The following GRID2 variants were observed in gnomAD, a reference collection of about 807,000 sequenced individuals.
GRID2 encodes glutamate ionotropic receptor delta type subunit 2.
Under a neutral mutation model 114.8 loss-of-function variants are expected in GRID2, and 33 were observed. The observed-to-expected ratio is 0.29, with a 90% confidence interval of 0.22 to 0.38. The LOEUF is 0.38. GRID2 is among the 10% of genes least tolerant of loss of function. GRID2 has a pLI of 1.00. For missense variants in GRID2, 1,184 were observed against 1,257.7 expected (o/e 0.94, Z 0.89); for synonymous variants, 505 against 449.9 (o/e 1.12, Z -1.55).
At chr4:93,327,922 C>T (rs564455461) in intron 8 of GRID2, among the ~76,000 whole-genome samples, 1 of 152,160 alleles carries the variant, frequency 6.6e-6, no homozygotes, top group South Asian at 2.1e-4. Context: ...TAGTCTCAAC[C>T]ACCATCATCT....
intron 1 of GRID2, among the ~76,000 whole-genome samples, chr4:92,305,447 C>T (rs2110100225): frequency 1.3e-5 from 2 of 152,248 alleles, no homozygotes; most frequent in Middle Eastern, 3.4e-3. Flanking sequence ...GAAACTGACC[C>T]CGGGGCGCTT....
At chr4:93,617,195 T>G (rs953061253) in intron 13 of GRID2, among the ~76,000 whole-genome samples, 7 of 152,160 alleles carry the variant, frequency 4.6e-5, no homozygotes, top group Non-Finnish European at 1.0e-4. Context: ...TTTTGTCCTT[T>G]TGTTTTCCCA....
chr4:93,494,896 C>G (rs1462635407), intron 12 of GRID2, among the ~76,000 whole-genome samples: 1 of 151,734 alleles, frequency 6.6e-6, no homozygotes, highest in Non-Finnish European at 1.5e-5. Flanking sequence ...AGAGTAAGCA[C>G]TGGATAATAG....
intron 1 of GRID2, among the ~76,000 whole-genome samples, chr4:92,497,561 A>G (rs1360541996): frequency 1.3e-5 from 2 of 151,936 alleles, no homozygotes; most frequent in African/African-American, 4.8e-5. Context: ...TTACAGCATT[A>G]CTTAGAAAGG....
At chr4:92,704,460 T>A (rs1034898845) in intron 2 of GRID2, among the ~76,000 whole-genome samples, 2 of 152,128 alleles carry the variant, frequency 1.3e-5, no homozygotes, top group African/African-American at 4.8e-5. Flanking sequence ...TTTCTGTACA[T>A]GTTGCATGAA....
chr4:93,601,501 T>C lies in GRID2; in HGVS notation c.2194-24768T>C, dbSNP rs62320423. Among the ~76,000 whole-genome samples the C allele has an allele frequency of 5.2e-4, 79 of 152,338 alleles. 1 individual carries two copies. The highest frequency in any genetic ancestry group is 9.0e-4 in the Non-Finnish European group (61 of 68,032). ...AATGAGGGGCATTTTAACTAAGGAA[T>C]CCTGATAACACCAACAGCTGAGTTA... On this transcript the variant is annotated intron_variant, in intron 13 of 15. Coordinates refer to ENST00000282020, the MANE Select transcript of GRID2 (RefSeq NM_001510.4).
chr4:92,662,081 T>A (rs570192096), intron 2 of GRID2, among the ~76,000 whole-genome samples: 1 of 151,154 alleles, frequency 6.6e-6, no homozygotes, highest in South Asian at 2.1e-4. Flanking sequence ...GCCACGTAAA[T>A]CTCAATGAAG....
chr4:93,544,775 C>G (rs1352613462), intron 13 of GRID2, among the ~76,000 whole-genome samples: 1 of 126,614 alleles, frequency 7.9e-6, no homozygotes, highest in African/African-American at 3.2e-5. Flanking sequence ...AAAACTCCCT[C>G]TGGAAAAAAA....
intron 3 of GRID2, among the ~76,000 whole-genome samples, chr4:93,098,386 A>G (rs943805910): frequency 2.6e-5 from 4 of 152,012 alleles, no homozygotes; most frequent in African/African-American, 9.7e-5. Flanking sequence ...CAGTCGTTCC[A>G]GGCAGACTCA....
intron 14 of GRID2, among the ~76,000 whole-genome samples, chr4:93,754,070 A>G (rs114053346): frequency 0.052 from 7,942 of 152,306 alleles, 263 homozygotes; most frequent in Middle Eastern, 0.078. Flanking sequence ...ACAAACCTGC[A>G]CTGAAGACTG....
At chr4:93,177,497 G>T (rs1016352896) in intron 4 of GRID2, among the ~76,000 whole-genome samples, 1 of 151,984 alleles carries the variant, frequency 6.6e-6, no homozygotes, top group African/African-American at 2.4e-5. Flanking sequence ...AAGAAATCAA[G>T]ATTTAAACCC....
intron 14 of GRID2, among the ~76,000 whole-genome samples, chr4:93,743,902 G>T (rs2110262211): frequency 6.6e-6 from 1 of 152,268 alleles, no homozygotes; most frequent in Non-Finnish European, 1.5e-5. Context: ...TGACTTCAGA[G>T]CTTCAAAGGA....
chr4:93,153,612 G>A (rs894689239), intron 4 of GRID2, among the ~76,000 whole-genome samples: 3 of 152,056 alleles, frequency 2.0e-5, no homozygotes, highest in African/African-American at 4.8e-5. Flanking sequence ...CCGGGACATA[G>A]CATGAGTTTT....
At position 93,336,509 on chromosome 4, in the gene GRID2, A is replaced by G. The variant is rs187285422; in HGVS notation, c.1246-59098A>G. Among the ~76,000 whole-genome samples the G allele has an allele frequency of 1.5e-3, 233 of 152,302 alleles. 1 individual carries two copies. The highest frequency in any genetic ancestry group is 4.3e-3 in the Admixed American group (66 of 15,296). The stretch of plus-strand genomic sequence containing the variant: ...AACAAGCAATGCTTCATCAAACATC[A>G]TGGTATATATGCTCTCAGGTATATG... On this transcript the variant is annotated intron_variant, in intron 8 of 15. Coordinates refer to ENST00000282020, the MANE Select transcript of GRID2 (RefSeq NM_001510.4).
chr4:92,932,166 C>T (rs1428233603), intron 2 of GRID2, among the ~76,000 whole-genome samples: 1 of 151,174 alleles, frequency 6.6e-6, no homozygotes, highest in Non-Finnish European at 1.5e-5. Flanking sequence ...TATTTAATAA[C>T]TGTCAAAGAA....
At chr4:92,531,701 G>C (rs1725365860) in intron 1 of GRID2, among the ~76,000 whole-genome samples, 1 of 151,888 alleles carries the variant, frequency 6.6e-6, no homozygotes, top group African/African-American at 2.4e-5. Context: ...ATTTATGAGA[G>C]GACTAGAAAA....
intron 2 of GRID2, among the ~76,000 whole-genome samples, chr4:92,693,512 C>A (rs1159225089): frequency 6.6e-6 from 1 of 152,182 alleles, no homozygotes; most frequent in Non-Finnish European, 1.5e-5. Flanking sequence ...CTTGTTACTG[C>A]TTTGCAGTTT....
In GRID2 at chr4:93,317,986, AATATATATATATATAT is replaced by A. The variant is rs58755199; in HGVS notation, c.1246-77600_1246-77585del. 6.6e-3 allele frequency among the ~76,000 whole-genome samples: 664 copies of A among 100,916 alleles called. 28 individuals are homozygous for A. Among genetic ancestry groups the A allele is most frequent in the Non-Finnish European group, 8.4e-3 (400 of 47,680 alleles). 66.2% of individuals were successfully genotyped at this position (100,916 alleles called of 152,430 possible). A position where few individuals can be genotyped will look rare whatever the true frequency, so the allele number is the denominator to read the frequency against. On this transcript the variant is annotated intron_variant, in intron 8 of 15. Coordinates refer to ENST00000282020, the MANE Select transcript of GRID2 (RefSeq NM_001510.4). ...GTTTTATCTTTCCCTTTAAAAGTGA[AATATATATATATATAT>A]ATATATATATATATATATATTACTA...
intron 8 of GRID2, among the ~76,000 whole-genome samples, chr4:93,344,674 ATATTAT>A (rs1452651281): frequency 2.0e-5 from 3 of 148,624 alleles, no homozygotes; most frequent in Admixed American, 6.8e-5. Flanking sequence ...TTTTTATAAT[ATATTAT>A]TATTAACTAT....
Sources: allele counts gnomAD v4.1 joint callset (sites outside exome capture counted in the v4.1 genomes callset), GRCh38; gene constraint gnomAD v4.1.1; transcripts MANE v1.5; gene names NCBI Gene and HGNC (gene_info 2026-07-23, HGNC 2026-07-21).